The following NEO1 variants were observed in gnomAD, a reference collection of about 807,000 sequenced individuals.
NEO1 encodes the protein neogenin 1.
A neutral mutation model predicts 159.7 loss-of-function variants in NEO1; 63 were observed. The ratio of observed to expected loss-of-function variants is 0.39; its 90% CI spans 0.32 to 0.49. The LOEUF is 0.49. Among genes scored for constraint, NEO1 ranks in the 20% least tolerant of loss-of-function variants. The probability of loss-of-function intolerance (pLI) is 0.85; values close to 1 mark genes in which losing one functional copy is unlikely to be tolerated. For synonymous variants in NEO1, 633 were observed against 662.0 expected, an observed-to-expected ratio of 0.96 and a Z score of 0.67; for missense variants, 1,615 against 1,831.0, an observed-to-expected ratio of 0.88 and a Z score of 2.15.
chr15:73,096,254 G>A (rs1438650356), intron 1 of NEO1, among the ~76,000 whole-genome samples: 3 of 152,086 alleles, frequency 2.0e-5, no homozygotes, highest in Non-Finnish European at 2.9e-5. Context: ...TATGACTGAA[G>A]AAGTTGAGCA....
chr15:73,244,731 A>G (rs867443971), intron 9 of NEO1, among the ~76,000 whole-genome samples: 2 of 152,104 alleles, frequency 1.3e-5, no homozygotes, highest in Non-Finnish European at 2.9e-5. Context: ...CAAGCAGATC[A>G]CCTGAGGTCA....
At chr15:73,075,299 T>G (rs2068717545) in intron 1 of NEO1, among the ~76,000 whole-genome samples, 1 of 152,144 alleles carries the variant, frequency 6.6e-6, no homozygotes, top group African/African-American at 2.4e-5. Context: ...GTTTTGGTTG[T>G]GGTGCCTGTG....
intron 1 of NEO1, among the ~76,000 whole-genome samples, chr15:73,089,805 A>T (rs1485682865): frequency 6.6e-6 from 1 of 152,224 alleles, no homozygotes; most frequent in Non-Finnish European, 1.5e-5. Context: ...TCTATCCTAC[A>T]GATACCTCTC....
intron 9 of NEO1, among the ~76,000 whole-genome samples, chr15:73,247,323 A>G (rs1278924540): frequency 6.6e-6 from 1 of 152,348 alleles, no homozygotes; most frequent in East Asian, 1.9e-4. Context: ...ATGCCACTGT[A>G]CAGCTGAAAT....
At position 73,249,701 on chromosome 15, in the gene NEO1, C is replaced by T. The variant is rs1567600207; in HGVS notation, c.1874C>T (p.Ala625Val). The T allele has an allele frequency of 1.2e-6, 2 of 1,612,262 alleles. No homozygotes were observed. The highest frequency in any genetic ancestry group is 8.5e-7 in the Non-Finnish European group (1 of 1,179,494). Residue 625 changes from alanine (A) to valine (V), a missense_variant, in exon 11 of 29, where the codon GCT becomes GTT. Physicochemically the swap from Ala to Val is moderately conservative, Grantham distance 64. Transcript: ENST00000261908. ...CCTGGAGTTTCCACACCAGATGTTG[C>T]TGTTCGAACATTGTCAGATGGTGAG... is the stretch of plus-strand genomic sequence containing the variant. ...HGPGVSTPDV[A>V]VRTLSDVPSA...
At chr15:73,133,023 G>A (rs542224312) in intron 4 of NEO1, among the ~76,000 whole-genome samples, 4 of 152,042 alleles carry the variant, frequency 2.6e-5, no homozygotes, top group South Asian at 2.1e-4. Context: ...CAGCAATCCC[G>A]TTCCTGTATC....
At chr15:73,100,502 T>C (rs888274608) in intron 1 of NEO1, among the ~76,000 whole-genome samples, 1 of 152,004 alleles carries the variant, frequency 6.6e-6, no homozygotes, top group Non-Finnish European at 1.5e-5. Flanking sequence ...GCCCAGCTGA[T>C]TTTTGTATTT....
rs1259088943 is a variant in NEO1, at chr15:73,077,166, C to A, written c.130+24361C>A. On this transcript the variant is annotated intron_variant, in intron 1 of 28. Coordinates refer to ENST00000261908, the MANE Select transcript of NEO1 (RefSeq NM_002499.4). ...TCTAGTGATTCTCCTGCCTCAGCCT[C>A]CCGAGTAGCTGGGATTACAGGTGCC... 2.0e-5 allele frequency among the ~76,000 whole-genome samples: 3 copies of A among 152,254 alleles called. No homozygotes were observed. The East Asian group carries it at 5.8e-4, about 29-fold the overall frequency.
At chr15:73,084,523 C>T (rs764067414) in intron 1 of NEO1, among the ~76,000 whole-genome samples, 7 of 151,968 alleles carry the variant, frequency 4.6e-5, no homozygotes, top group African/African-American at 7.2e-5. Flanking sequence ...GTATATATAC[C>T]ATTTTTTCCT....
At chr15:73,244,313 T>A (rs746622927) in intron 8 of NEO1, 31 bp from the exon 9 acceptor site, 1 of 1,596,288 alleles carries the variant, frequency 6.3e-7, no homozygotes, top group Admixed American at 1.7e-5. Flanking sequence ...TCCTAATTAA[T>A]GCTATCTCTC....
At chr15:73,134,494 T>C (rs1596100653) in intron 4 of NEO1, among the ~76,000 whole-genome samples, 1 of 152,144 alleles carries the variant, frequency 6.6e-6, no homozygotes, top group Admixed American at 6.5e-5. Context: ...ATGAGAATTA[T>C]AAATGTGGCC....
chr15:73,116,802 C>T lies in NEO1; in HGVS notation c.393C>T (p.Ala131=), dbSNP rs550361622. 2 of 1,611,774 alleles carry T rather than the reference C, an allele frequency of 1.2e-6. No homozygotes were observed. The highest frequency in any genetic ancestry group is 2.2e-5 in the South Asian group (2 of 90,580). ...ATGAAGGTTATTATCAGTGTGTGGC[C>T]ACTGTTGAGAGTCTTGGAACTATTA... ...KPDEGYYQCV[A]TVESLGTIIS... Residue 131 remains alanine, a synonymous_variant, in exon 2 of 29, where the codon GCC becomes GCT. Transcript: ENST00000261908.
intron 1 of NEO1, among the ~76,000 whole-genome samples, chr15:73,113,447 A>G (rs912990970): frequency 3.3e-5 from 5 of 152,160 alleles, no homozygotes; most frequent in African/African-American, 1.2e-4. Context: ...ATAAGCCTGC[A>G]TTTCCCAAAC....
chr15:73,286,103 C>T (rs924177312), intron 23 of NEO1, among the ~76,000 whole-genome samples: 10 of 124,188 alleles, frequency 8.1e-5, no homozygotes, highest in African/African-American at 3.0e-4. Context: ...GTCCTTTTCA[C>T]CGGCTGCTTA....
rs1227360109 is a variant in NEO1, at chr15:73,288,460, T to C, written c.3558T>C (p.Thr1186=). The C allele has an allele frequency of 6.2e-7, 1 of 1,614,166 alleles. No individual in the cohort carries two copies. The highest frequency in any genetic ancestry group is 1.3e-5 in the African/African-American group (1 of 75,050). The change falls in exon 24 of 29, where the codon ACT becomes ACC. Residue 1186 remains threonine, a synonymous_variant. Coordinates refer to ENST00000261908, the MANE Select transcript of NEO1 (RefSeq NM_002499.4). ...CTCCAGACCCAAACCCCATCATGACTGATACTCCAATTCCTCGCAACTCTC... is the reference window on the plus strand; with the variant it reads ...CTCCAGACCCAAACCCCATCATGACCGATACTCCAATTCCTCGCAACTCTC... The part of the protein sequence containing the change: ...DKSPDPNPIM[T]DTPIPRNSQD...
Position 73,273,926 on chromosome 15 carries a change from A to G in NEO1, c.3081A>G (p.Pro1027=), listed in dbSNP as rs760423968. 2 of 1,614,156 alleles carry G rather than the reference A, an allele frequency of 1.2e-6. No individual in the cohort carries two copies. Among genetic ancestry groups the G allele is most frequent in the East Asian group, 2.2e-5 (1 of 44,878 alleles). ...TACAAGAGTTAACTCTTGACACACCATACTACTTCAAAATCCAGGCACGGA... is the reference window on the plus strand; with the variant it reads ...TACAAGAGTTAACTCTTGACACACCGTACTACTTCAAAATCCAGGCACGGA... The part of the protein sequence containing the change: ...HQIQELTLDT[P]YYFKIQARNS... Residue 1027 remains proline (P), a synonymous_variant, in exon 20 of 29, where the codon CCA becomes CCG. Transcript: ENST00000261908.
intron 1 of NEO1, among the ~76,000 whole-genome samples, chr15:73,112,980 C>A (rs145452005): frequency 6.6e-6 from 1 of 152,034 alleles, no homozygotes; most frequent in Non-Finnish European, 1.5e-5. Flanking sequence ...TTTCCTCAAT[C>A]GATTTAAAAT....
chr15:73,087,254 A>G (rs1490477977), intron 1 of NEO1, among the ~76,000 whole-genome samples: 1 of 152,226 alleles, frequency 6.6e-6, no homozygotes, highest in Non-Finnish European at 1.5e-5. Context: ...ATCTGTTGAT[A>G]AGATCATGTG....
At chr15:73,272,157 C>T (rs1053069946) in intron 18 of NEO1, among the ~76,000 whole-genome samples, 7 of 152,164 alleles carry the variant, frequency 4.6e-5, no homozygotes, top group Admixed American at 2.0e-4. Context: ...ACCTGGTATA[C>T]GGTAGGTACT....
Sources: gnomAD v4.1 joint callset for allele counts (sites outside exome capture counted in the v4.1 genomes callset) on GRCh38, gnomAD v4.1.1 for gene constraint, MANE v1.5 for transcripts, NCBI Gene and HGNC (gene_info 2026-07-23, HGNC 2026-07-21) for gene names.